CENPP: variants seen among roughly 807,000 people sequenced by gnomAD.
The protein encoded by CENPP is centromere protein P.
CENPP carries 24 observed loss-of-function variants against 35.6 expected under a neutral mutation model. The ratio of observed to expected loss-of-function variants is 0.67; its 90% confidence interval spans 0.49 to 0.95. The LOEUF (loss-of-function observed/expected upper bound fraction) is 0.95. CENPP is among the 40% of genes least tolerant of loss of function. The pLI, the probability that CENPP is intolerant of heterozygous loss-of-function variation, is 0.00. For missense variants in CENPP, 332 were observed against 345.3 expected (o/e 0.96, Z 0.31); for synonymous variants, 120 against 125.5 (o/e 0.96, Z 0.29).
chr9:92,378,877 C>A (rs1245012861), intron 4 of CENPP, among the ~76,000 whole-genome samples: 1 of 152,072 alleles, frequency 6.6e-6, no homozygotes, highest in African/African-American at 2.4e-5. Context: ...TCTCTGTCAC[C>A]AACTGGATGT....
chr9:92,392,346 G>A (rs755472289), intron 5 of CENPP, among the ~76,000 whole-genome samples: 2 of 152,136 alleles, frequency 1.3e-5, no homozygotes, highest in South Asian at 2.1e-4. Context: ...CTTCCCTGCC[G>A]GGCATGGTGG....
At chr9:92,505,556 G>A (rs1274622873) in intron 5 of CENPP, 2 of 1,603,350 alleles carry the variant, frequency 1.2e-6, no homozygotes, top group South Asian at 1.1e-5. Flanking sequence ...GGAAGACCCT[G>A]CGGTATAATT....
At chr9:92,539,955 A>G (rs1849279602) in intron 5 of CENPP, among the ~76,000 whole-genome samples, 1 of 152,210 alleles carries the variant, frequency 6.6e-6, no homozygotes, top group Non-Finnish European at 1.5e-5. Context: ...GTTATAGTAA[A>G]TAATGTATAC....
chr9:92,537,249 G>A lies in CENPP; in HGVS notation c.565-74065G>A, dbSNP rs551302503. ...GGAGCTAAATATTTGTTTAAATGAC[G>A]TGGTTAGACTGAATCAGGATTTTGT... On this transcript the variant is annotated intron_variant, in intron 5 of 7. Transcript: ENST00000375587. Among the ~76,000 whole-genome samples the A allele has an allele frequency of 3.9e-5, 6 of 152,196 alleles. No individual in the cohort carries two copies. The South Asian group carries it at 1.2e-3, about 32-fold the overall frequency.
chr9:92,414,121 A>G (rs1843519712), intron 5 of CENPP: 2 of 165,686 alleles, frequency 1.2e-5, no homozygotes, highest in South Asian at 4.0e-4. Flanking sequence ...AATACTTAAA[A>G]ATAATACATT....
At chr9:92,406,108 A>T (rs1370913007) in intron 5 of CENPP, among the ~76,000 whole-genome samples, 4 of 152,162 alleles carry the variant, frequency 2.6e-5, no homozygotes, top group Admixed American at 2.0e-4. Context: ...TATAGAGAGG[A>T]TAGGAGAGGA....
chr9:92,370,361 T>G (rs1475255130), intron 4 of CENPP, among the ~76,000 whole-genome samples: 1 of 152,204 alleles, frequency 6.6e-6, no homozygotes, highest in Non-Finnish European at 1.5e-5. Flanking sequence ...TTCCCTCCTC[T>G]TTGATGATTT....
At chr9:92,581,193 CAA>C (rs2131366673) in intron 5 of CENPP, among the ~76,000 whole-genome samples, 1 of 152,148 alleles carries the variant, frequency 6.6e-6, no homozygotes, top group South Asian at 2.1e-4. Context: ...ACATAAATAT[CAA>C]GATACTTACT....
At chr9:92,359,064 C>T (rs1841670129) in intron 4 of CENPP, among the ~76,000 whole-genome samples, 1 of 151,738 alleles carries the variant, frequency 6.6e-6, no homozygotes, top group Non-Finnish European at 1.5e-5. Context: ...ATTCTCCTGC[C>T]TCAGCCTCCC....
Position 92,614,920 on chromosome 9 carries a change from A to C in CENPP, c.*1771A>C, listed in dbSNP as rs1851385548. On this transcript the variant is annotated 3_prime_UTR_variant, in exon 8 of 8. Transcript: ENST00000375587. ...AGGCCACGGGGCCCAAAAACGCAAC[A>C]CGTCTCAAGGCAAACCCGAGGGAGG... 6.6e-6 allele frequency: 1 copy of C among 152,432 alleles called. No individual in the cohort carries two copies. The highest frequency in any genetic ancestry group is 2.4e-5 in the African/African-American group (1 of 41,408). 9.4% of individuals were successfully genotyped at this position (152,432 alleles called of 1,614,324 possible).
intron 5 of CENPP, among the ~76,000 whole-genome samples, chr9:92,465,353 GATC>G: frequency 6.6e-6 from 1 of 152,292 alleles, no homozygotes; most frequent in East Asian, 1.9e-4. Flanking sequence ...CATCAAAAAA[GATC>G]ATCCTTCATA....
intron 4 of CENPP, among the ~76,000 whole-genome samples, chr9:92,371,877 T>G (rs1842012971): frequency 6.7e-6 from 1 of 149,734 alleles, no homozygotes; most frequent in Non-Finnish European, 1.5e-5. Flanking sequence ...GTTGTTTTTT[T>G]TTTTTTGAGA....
At chr9:92,358,261 T>C (rs1588056890) in intron 4 of CENPP, among the ~76,000 whole-genome samples, 2 of 152,090 alleles carry the variant, frequency 1.3e-5, no homozygotes, top group East Asian at 3.9e-4. Context: ...TTTTTTCTTT[T>C]TAATGGAGTT....
chr9:92,539,550 C>G (rs560859935), intron 5 of CENPP, among the ~76,000 whole-genome samples: 1 of 151,856 alleles, frequency 6.6e-6, no homozygotes, highest in African/African-American at 2.4e-5. Flanking sequence ...TTAAGTATAG[C>G]CTACTTACTA....
At position 92,552,600 on chromosome 9, in the gene CENPP, G is replaced by A. The variant is rs894821129; in HGVS notation, c.565-58714G>A. On this transcript the variant is annotated intron_variant, in intron 5 of 7. Coordinates refer to ENST00000375587, the MANE Select transcript of CENPP (RefSeq NM_001012267.3). Reference sequence around the variant, plus strand: ...TTGCATTTCTCTGATTATTAGTGATGTTGAGCGTTTTTTCATATGTTTGTT... The same window carrying A: ...TTGCATTTCTCTGATTATTAGTGATATTGAGCGTTTTTTCATATGTTTGTT... Among the ~76,000 whole-genome samples the A allele has an allele frequency of 2.6e-5, 4 of 152,138 alleles. No individual in the cohort carries two copies. The South Asian group carries it at 6.2e-4, about 24-fold the overall frequency.
intron 5 of CENPP, among the ~76,000 whole-genome samples, chr9:92,537,239 T>C (rs1382689552): frequency 1.3e-5 from 2 of 152,104 alleles, no homozygotes; most frequent in African/African-American, 4.8e-5. Flanking sequence ...TAAATATTTG[T>C]TTAAATGACG....
intron 5 of CENPP, among the ~76,000 whole-genome samples, chr9:92,536,320 T>C (rs1326263540): frequency 6.6e-6 from 1 of 152,176 alleles, no homozygotes; most frequent in African/African-American, 2.4e-5. Context: ...GCATTAAAAA[T>C]GTTAAAGTTT....
Position 92,464,756 on chromosome 9 carries a change from C to A in CENPP, c.564+84897C>A, listed in dbSNP as rs549868351. 1.1e-4 allele frequency: 76 copies of A among 710,032 alleles called. 1 individual carries two copies. Among genetic ancestry groups the A allele is most frequent in the Admixed American group, 7.4e-4 (37 of 49,990 alleles). 44.0% of individuals were successfully genotyped at this position (710,032 alleles called of 1,614,324 possible). On this transcript the variant is annotated intron_variant, in intron 5 of 7. Transcript: ENST00000375587. ...GCTTAATTCTGTCAGGAAAAAGGCA[C>A]TACATATGGCATTTTATGTGTGTGT...
chr9:92,335,012 C>G (rs995050351), intron 2 of CENPP, among the ~76,000 whole-genome samples: 35 of 151,802 alleles, frequency 2.3e-4, no homozygotes, highest in Admixed American at 2.2e-3. Context: ...CATGGTGAAG[C>G]CTGTCTCTAC....
Sources: allele counts gnomAD v4.1 joint callset (sites outside exome capture counted in the v4.1 genomes callset), GRCh38; gene constraint gnomAD v4.1.1; transcripts MANE v1.5; gene names NCBI Gene and HGNC (gene_info 2026-07-23, HGNC 2026-07-21).